The following CNTN5 variants were observed in gnomAD, a reference collection of about 807,000 sequenced individuals.
CNTN5 encodes the protein contactin-5.
Under a neutral mutation model 129.1 loss-of-function variants are expected in CNTN5, and 77 were observed. The ratio of observed to expected loss-of-function variants is 0.60; its 90% CI spans 0.50 to 0.72. The LOEUF (loss-of-function observed/expected upper bound fraction) is 0.72. Ranked by LOEUF, CNTN5 falls within the 30% of genes least tolerant of loss-of-function variation. The pLI is 0.00. For synonymous variants in CNTN5, 509 were observed against 465.6 expected (o/e 1.09, Z -1.20); for missense variants, 1,478 against 1,328.8 (o/e 1.11, Z -1.75).
intron 3 of CNTN5, among the ~76,000 whole-genome samples, chr11:99,786,116 A>T (rs62097564): frequency 6.6e-6 from 1 of 152,266 alleles, no homozygotes; most frequent in East Asian, 1.9e-4. Flanking sequence ...CCGTCGTCTC[A>T]GCCCCAAATC....
chr11:99,962,917 A>G (rs1224602093), intron 8 of CNTN5, among the ~76,000 whole-genome samples: 1 of 150,598 alleles, frequency 6.6e-6, no homozygotes, highest in African/African-American at 2.5e-5. Context: ...AGTGATGATG[A>G]GCATTTTTTC....
chr11:99,556,169 A>C lies in CNTN5; in HGVS notation c.-46A>C. The stretch of plus-strand genomic sequence containing the variant: ...GGGCACTCTTTAATGAAGAAACACC[A>C]GAGCTGTTAAACACATTGAGACACA... On this transcript the variant is annotated 5_prime_UTR_variant, in exon 3 of 25. Coordinates refer to ENST00000524871, the MANE Select transcript of CNTN5 (RefSeq NM_014361.4). The C allele has an allele frequency of 1.7e-6, 2 of 1,144,296 alleles. No homozygotes were observed. Among genetic ancestry groups the C allele is most frequent in the Non-Finnish European group, 2.4e-6 (2 of 816,572 alleles). The allele number at this position is 1,144,296 out of a possible 1,614,324, so 70.9% of individuals were successfully genotyped here.
chr11:100,238,120 C>T (rs144925832), intron 16 of CNTN5, among the ~76,000 whole-genome samples: 9 of 152,072 alleles, frequency 5.9e-5, no homozygotes, highest in African/African-American at 2.2e-4. Context: ...GAGAAAAGGT[C>T]TGCTTGTATC....
chr11:99,948,432 A>G (rs186315886), intron 7 of CNTN5, among the ~76,000 whole-genome samples: 4 of 152,296 alleles, frequency 2.6e-5, no homozygotes, highest in Non-Finnish European at 5.9e-5. Flanking sequence ...CTTAATGGTT[A>G]ATAGAAATAA....
intron 3 of CNTN5, among the ~76,000 whole-genome samples, chr11:99,637,010 CAAAAAAAAAA>C (rs869133131): frequency 0.1 from 796 of 7,824 alleles, 27 homozygotes; most frequent in African/African-American, 0.2. Flanking sequence ...AACTTTGTCT[CAAAAAAAAAA>C]AAAAAAAAAA....
chr11:99,992,252 T>C (rs938859074), intron 8 of CNTN5, among the ~76,000 whole-genome samples: 1 of 152,196 alleles, frequency 6.6e-6, no homozygotes, highest in East Asian at 1.9e-4. Flanking sequence ...ATTTGAAATA[T>C]GCAACAACAG....
At chr11:100,006,194 T>C (rs751956079) in intron 9 of CNTN5, among the ~76,000 whole-genome samples, 1 of 152,166 alleles carries the variant, frequency 6.6e-6, no homozygotes, top group Non-Finnish European at 1.5e-5. Context: ...AAATTGCTCA[T>C]GCTGATATAA....
chr11:99,527,342 G>T (rs1286059474), intron 2 of CNTN5, among the ~76,000 whole-genome samples: 1 of 152,084 alleles, frequency 6.6e-6, no homozygotes, highest in Non-Finnish European at 1.5e-5. Flanking sequence ...ATAGGCATGA[G>T]GGATATTAAT....
intron 13 of CNTN5, among the ~76,000 whole-genome samples, chr11:100,123,350 C>G (rs1242803347): frequency 6.6e-6 from 1 of 151,818 alleles, no homozygotes; most frequent in South Asian, 2.1e-4. Flanking sequence ...TCTTAATATT[C>G]CATGCAGAAA....
intron 3 of CNTN5, among the ~76,000 whole-genome samples, chr11:99,765,697 A>C (rs1258768141): frequency 1.3e-5 from 2 of 150,908 alleles, no homozygotes; most frequent in Admixed American, 1.3e-4. Context: ...TTAATGTCAA[A>C]GACAACTATA....
intron 2 of CNTN5, among the ~76,000 whole-genome samples, chr11:99,549,174 A>G (rs1948399499): frequency 6.6e-6 from 1 of 151,120 alleles, no homozygotes. Context: ...GACCTTTATC[A>G]TTTCTATTGA....
intron 1 of CNTN5, among the ~76,000 whole-genome samples, chr11:99,219,555 T>C (rs1266523734): frequency 1.3e-5 from 2 of 151,838 alleles, no homozygotes; most frequent in Non-Finnish European, 2.9e-5. Context: ...GTATTGGTGT[T>C]TATAGAATGA....
At chr11:99,240,617 G>A (rs975101866) in intron 1 of CNTN5, among the ~76,000 whole-genome samples, 4 of 149,968 alleles carry the variant, frequency 2.7e-5, no homozygotes, top group Non-Finnish European at 5.9e-5. Context: ...AATTTCTGGG[G>A]TCTTGCAACT....
intron 3 of CNTN5, among the ~76,000 whole-genome samples, chr11:99,561,277 G>A (rs1190722426): frequency 6.6e-6 from 1 of 151,898 alleles, no homozygotes; most frequent in Non-Finnish European, 1.5e-5. Context: ...CCAAAACTGG[G>A]ACAATTTCAG....
chr11:100,124,374 T>G (rs1243052121), intron 13 of CNTN5, among the ~76,000 whole-genome samples: 1 of 151,960 alleles, frequency 6.6e-6, no homozygotes, highest in Non-Finnish European at 1.5e-5. Flanking sequence ...AAACTATACA[T>G]AAGGGCAAAG....
In CNTN5 at chr11:99,633,579, A is replaced by AGAT. The variant is rs546547141; in HGVS notation, c.55+77311_55+77313dup. Among the ~76,000 whole-genome samples the AGAT allele has an allele frequency of 2.8e-3, 425 of 152,270 alleles. 3 individuals carry two copies. Among genetic ancestry groups the AGAT allele is most frequent in the African/African-American group, 9.7e-3 (402 of 41,552 alleles). The stretch of plus-strand genomic sequence containing the variant: ...ATTTATCAAGCAGCTTCTACAAGCA[A>AGAT]GATCATCTACCAGGTACTTCATACT... On this transcript the variant is annotated intron_variant, in intron 3 of 24. Coordinates refer to ENST00000524871, the MANE Select transcript of CNTN5 (RefSeq NM_014361.4).
intron 9 of CNTN5, among the ~76,000 whole-genome samples, chr11:100,008,713 A>T (rs1274069974): frequency 6.6e-6 from 1 of 152,120 alleles, no homozygotes; most frequent in Non-Finnish European, 1.5e-5. Flanking sequence ...GAAATTCACT[A>T]TTCGCCTTTT....
intron 6 of CNTN5, among the ~76,000 whole-genome samples, chr11:99,855,766 T>A (rs11221644): frequency 0.027 from 4,155 of 152,336 alleles, 75 homozygotes; most frequent in South Asian, 0.044. Context: ...TAGAAAAATT[T>A]AGAGTCTGCA....
intron 3 of CNTN5, among the ~76,000 whole-genome samples, chr11:99,704,344 C>G (rs1370847226): frequency 6.6e-6 from 1 of 150,698 alleles, no homozygotes; most frequent in Non-Finnish European, 1.5e-5. Flanking sequence ...AAATTAAAAG[C>G]CATGTTGACT....
Sources: gnomAD v4.1 joint callset for allele counts (sites outside exome capture counted in the v4.1 genomes callset) on GRCh38, gnomAD v4.1.1 for gene constraint, MANE v1.5 for transcripts, NCBI Gene and HGNC (gene_info 2026-07-23, HGNC 2026-07-21) for gene names.